The following STK32A variants were observed in gnomAD, a reference collection of about 807,000 sequenced individuals.
STK32A encodes serine/threonine kinase 32A, also known as serine/threonine-protein kinase 32A.
Under a neutral mutation model 53.2 loss-of-function variants are expected in STK32A, and 41 were observed. The observed-to-expected ratio is 0.77, with a 90% CI of 0.60 to 1.00. The LOEUF (loss-of-function observed/expected upper bound fraction) is 1.00, where lower values mean the gene tolerates loss of function less well. Ranked by LOEUF, STK32A falls within the 50% of genes least tolerant of loss-of-function variation. STK32A has a pLI of 0.00. For missense variants in STK32A, 458 were observed against 485.8 expected (o/e 0.94, Z 0.54); for synonymous variants, 166 against 162.8 (o/e 1.02, Z -0.15).
chr5:147,395,446 T>C, the STK32A span: 1 of 1,335,880 alleles, frequency 7.5e-7, no homozygotes, highest in Non-Finnish European at 1.0e-6. Flanking sequence ...TTGACACCAG[T>C]GCTAGGCTGG....
Position 147,351,111 on chromosome 5 carries a change from G to A in STK32A, c.519G>A (p.Arg173=). The A allele has an allele frequency of 6.2e-7, 1 of 1,613,984 alleles. No homozygotes were observed. The change falls in exon 7 of 13, where the codon AGG becomes AGA. Residue 173 remains arginine (R), a synonymous_variant. Transcript: ENST00000397936. ...TDFNIAAMLP[R]ETQITTMAGT... ...TCAACATTGCTGCGATGCTGCCCAG[G>A]GAGACACAGATTACCACCATGGCTG...
At chr5:147,298,231 T>C (rs1349821989) in intron 4 of STK32A, among the ~76,000 whole-genome samples, 2 of 152,096 alleles carry the variant, frequency 1.3e-5, no homozygotes, top group African/African-American at 4.8e-5. Context: ...CAGTTAGAGG[T>C]GAAAGAGAAA....
intron 11 of STK32A, among the ~76,000 whole-genome samples, chr5:147,376,545 G>A (rs1051150076): frequency 1.3e-5 from 2 of 152,128 alleles, no homozygotes; most frequent in Non-Finnish European, 1.5e-5. Flanking sequence ...GAGCAATTTA[G>A]GAATAACTTT....
intron 5 of STK32A, among the ~76,000 whole-genome samples, chr5:147,336,090 C>T (rs1389205265): frequency 1.3e-5 from 2 of 152,116 alleles, no homozygotes; most frequent in Non-Finnish European, 2.9e-5. Context: ...AGACTATTAC[C>T]AACATTACTA....
intron 4 of STK32A, among the ~76,000 whole-genome samples, chr5:147,316,337 A>G (rs1479653565): frequency 6.6e-6 from 1 of 152,202 alleles, no homozygotes; most frequent in Non-Finnish European, 1.5e-5. Context: ...CTATACATCT[A>G]TAGCAGCAGA....
chr5:147,295,669 C>A (rs1752833635), intron 4 of STK32A, among the ~76,000 whole-genome samples: 1 of 152,262 alleles, frequency 6.6e-6, no homozygotes, highest in South Asian at 2.1e-4. Context: ...ATACACATGA[C>A]ACATATAAAC....
the STK32A span, chr5:147,401,654 A>G: frequency 6.2e-7 from 1 of 1,614,184 alleles, no homozygotes; most frequent in Non-Finnish European, 8.5e-7. Context: ...GGTTCCATCT[A>G]TGCCGAGGCT....
At chr5:147,260,182 C>G (rs1175516351) in intron 2 of STK32A, among the ~76,000 whole-genome samples, 26 of 49,690 alleles carry the variant, frequency 5.2e-4, no homozygotes, top group African/African-American at 2.4e-3. Flanking sequence ...TCTCTCTCCT[C>G]TCTCTCTCCT....
chr5:147,337,165 T>C (rs766570726), intron 5 of STK32A, among the ~76,000 whole-genome samples: 32 of 152,310 alleles, frequency 2.1e-4, no homozygotes, highest in African/African-American at 7.7e-4. Context: ...ATTTCCACTC[T>C]GCTATTTATA....
intron 4 of STK32A, among the ~76,000 whole-genome samples, chr5:147,286,903 T>A (rs998367650): frequency 1.8e-4 from 28 of 152,286 alleles, no homozygotes; most frequent in African/African-American, 6.5e-4. Flanking sequence ...CCCCATGAAC[T>A]GCACGGGAGG....
chr5:147,372,251 AAGAG>A (rs1445890452), intron 9 of STK32A, among the ~76,000 whole-genome samples: 4 of 141,832 alleles, frequency 2.8e-5, no homozygotes, highest in Non-Finnish European at 6.1e-5. Flanking sequence ...TGAGGGGCCC[AAGAG>A]GAATGGGCTT....
chr5:147,279,130 T>A, intron 3 of STK32A, 117 bp from the exon 4 acceptor site: 1 of 899,360 alleles, frequency 1.1e-6, no homozygotes, highest in Admixed American at 3.0e-5. Flanking sequence ...TTTAACATCA[T>A]ATAATTTGCA....
intron 2 of STK32A, among the ~76,000 whole-genome samples, chr5:147,248,545 C>T (rs780665969): frequency 1.3e-5 from 2 of 152,170 alleles, no homozygotes; most frequent in Non-Finnish European, 2.9e-5. Context: ...CTACTAAAGA[C>T]ATTTATTCGA....
chr5:147,278,301 G>A (rs902832744), intron 3 of STK32A, 122 bp downstream of exon 3: 8 of 832,342 alleles, frequency 9.6e-6, no homozygotes, highest in Admixed American at 2.8e-5. Flanking sequence ...AAGTGAAAAT[G>A]TTTTTGTAAT....
chr5:147,259,626 G>A (rs772260550), intron 2 of STK32A, among the ~76,000 whole-genome samples: 11 of 151,988 alleles, frequency 7.2e-5, no homozygotes, highest in African/African-American at 1.7e-4. Context: ...CATGTGCCAC[G>A]TTGGTGTGCT....
At chr5:147,254,061 T>C (rs1754116744) in intron 2 of STK32A, among the ~76,000 whole-genome samples, 1 of 152,134 alleles carries the variant, frequency 6.6e-6, no homozygotes, top group African/African-American at 2.4e-5. Context: ...GAGTACTTTC[T>C]CAAATCTGTG....
At chr5:147,299,509 G>T (rs892865243) in intron 4 of STK32A, among the ~76,000 whole-genome samples, 1 of 152,246 alleles carries the variant, frequency 6.6e-6, no homozygotes, top group South Asian at 2.1e-4. Context: ...GAGTTGCTCT[G>T]GTTCACACGC....
the STK32A span, chr5:147,399,291 A>G: frequency 2.5e-6 from 4 of 1,595,050 alleles, no homozygotes; most frequent in Non-Finnish European, 2.6e-6. Context: ...ATCTATAGCT[A>G]CATATATATC....
At chr5:147,400,689 T>C in the STK32A span, 2 of 1,613,800 alleles carry the variant, frequency 1.2e-6, no homozygotes, top group Non-Finnish European at 1.7e-6. Context: ...CTCCATGCCT[T>C]ACCACAGCCT....
Sources: gnomAD v4.1 joint callset for allele counts (sites outside exome capture counted in the v4.1 genomes callset) on GRCh38, gnomAD v4.1.1 for gene constraint, MANE v1.5 for transcripts, NCBI Gene and HGNC (gene_info 2026-07-23, HGNC 2026-07-21) for gene names.